The following ZAN variants were observed in gnomAD, a reference collection of about 807,000 sequenced individuals.
ZAN encodes zonadhesin (gene/pseudogene).
In ZAN, 260 loss-of-function variants were observed where a neutral mutation model predicts 286.2. The observed-to-expected ratio is 0.91, with a 90% CI of 0.82 to 1.01. The LOEUF (loss-of-function observed/expected upper bound fraction) is 1.01. ZAN is among the 50% of genes least tolerant of loss of function. The pLI is 0.00. For missense variants in ZAN, 3,410 were observed against 3,639.2 expected (o/e 0.94, Z 1.62); for synonymous variants, 1,368 against 1,417.5 (o/e 0.97, Z 0.79).
At chr7:100,758,161 G>T in intron 15 of ZAN, 41 bp from the exon 16 acceptor site, 1 of 1,530,052 alleles carries the variant, frequency 6.5e-7, no homozygotes, top group Non-Finnish European at 8.8e-7. Context: ...AAGTACTCTA[G>T]GAGCTATATG....
Position 100,737,428 on chromosome 7 carries a change from C to T in ZAN, c.613+79C>T, listed in dbSNP as rs60177280. ...TGCACAACAAGAAGAGGATCCAGGG[C>T]GGGCGCGGTGGCTCATGCCTGTAAT... On this transcript the variant is annotated intron_variant, in intron 6 of 47. Coordinates refer to ENST00000613979, the MANE Select transcript of ZAN (RefSeq NM_003386.3). The T allele has an allele frequency of 3.0e-3, 3,239 of 1,080,904 alleles. 482 individuals are homozygous for T. In the African/African-American group the frequency reaches 0.044, roughly 15 times the overall value. 67.0% of individuals were successfully genotyped at this position (1,080,904 alleles called of 1,614,324 possible).
chr7:100,763,838 C>G lies in ZAN; in HGVS notation c.4019C>G (p.Ser1340Cys). Residue 1340 changes from serine to cysteine, a missense_variant, in exon 21 of 48, where the codon TCT (serine) becomes TGT (cysteine). Physicochemically the swap from Ser to Cys is moderately radical, Grantham distance 112. Transcript: ENST00000613979. This position sits in a 1 kb window ranked among gnomAD's most constrained non-coding sequence, Gnocchi z 4.6. ...AAGTACCAGGTGGTGAATTCCCCGT[C>G]TTGTGATTCATCTCTGCAGAGCAGC... is the stretch of plus-strand genomic sequence containing the variant. Reference protein sequence around the residue: ...CQKYQVVNSPSCDSSLQSSMS... With the variant: ...CQKYQVVNSPCCDSSLQSSMS... 6.2e-7 allele frequency: 1 copy of G among 1,614,042 alleles called. No homozygotes were observed. The highest frequency in any genetic ancestry group is 8.5e-7 in the Non-Finnish European group (1 of 1,179,892).
chr7:100,755,358 A>G lies in ZAN; in HGVS notation c.3257A>G (p.His1086Arg). Reference sequence around the variant, plus strand: ...CCTGGCTTTTTGTTTAGTGACAACCACTGCATCCAGGCCTCTTCCTGCAAT... The same window carrying G: ...CCTGGCTTTTTGTTTAGTGACAACCGCTGCATCCAGGCCTCTTCCTGCAAT... ...CNPGFLFSDN[H>R]CIQASSCNCF... Residue 1086 changes from histidine to arginine, a missense_variant, in exon 15 of 48, where the codon CAC becomes CGC. His to Arg is a conservative substitution (Grantham distance 29). Coordinates refer to ENST00000613979, the MANE Select transcript of ZAN (RefSeq NM_003386.3). The G allele has an allele frequency of 1.9e-6, 3 of 1,613,770 alleles. No homozygotes were observed. Among genetic ancestry groups the G allele is most frequent in the Non-Finnish European group, 2.5e-6 (3 of 1,179,852 alleles).
Position 100,775,467 on chromosome 7 carries a change from T to G in ZAN, c.5919T>G (p.Ser1973Arg), listed in dbSNP as rs1346377480. ...PAMALPFFKI[S>R]AKHEKEEGGT... Reference sequence around the variant, plus strand: ...TGGCCTTGCCCTTCTTCAAGATCAGTGCCAAGCATGAGAAGGAGGAAGGTG... The same window carrying G: ...TGGCCTTGCCCTTCTTCAAGATCAGGGCCAAGCATGAGAAGGAGGAAGGTG... Residue 1973 changes from serine (S) to arginine (R), a missense_variant, in exon 32 of 48, where the codon AGT (serine) becomes AGG (arginine). Ser to Arg is a moderately radical substitution (Grantham distance 110). Coordinates refer to ENST00000613979, the MANE Select transcript of ZAN (RefSeq NM_003386.3). 6.2e-7 allele frequency: 1 copy of G among 1,613,796 alleles called. No individual in the cohort carries two copies. Among genetic ancestry groups the G allele is most frequent in the Non-Finnish European group, 8.5e-7 (1 of 1,179,888 alleles).
chr7:100,753,459 C>G (rs1808926580), intron 14 of ZAN, among the ~76,000 whole-genome samples: 1 of 152,114 alleles, frequency 6.6e-6, no homozygotes, highest in Non-Finnish European at 1.5e-5. Context: ...AGGACTGAAC[C>G]ACGAGGCTTC....
chr7:100,745,966 G>A (rs1808189389), intron 7 of ZAN, among the ~76,000 whole-genome samples: 1 of 151,922 alleles, frequency 6.6e-6, no homozygotes, highest in Admixed American at 6.6e-5. Context: ...GCTCATGTCT[G>A]TAATCCCAGC....
Position 100,764,226 on chromosome 7 carries a change from C to T in ZAN, c.4267+30C>T, listed in dbSNP as rs371467142. 192 of 1,486,776 alleles carry T rather than the reference C, an allele frequency of 1.3e-4. 1 individual carries two copies. The highest frequency in any genetic ancestry group is 1.9e-4 in the Middle Eastern group (1 of 5,192). 92.1% of individuals were successfully genotyped at this position (1,486,776 alleles called of 1,614,324 possible). ...GTTGTGCCAAACTCAGAGGAGAGGC[C>T]GGGCACGGTGGCTCACACCTATAAT... On this transcript the variant is annotated intron_variant, in intron 22 of 47. Coordinates refer to ENST00000613979, the MANE Select transcript of ZAN (RefSeq NM_003386.3).
Position 100,755,247 on chromosome 7 carries a change from G to T in ZAN, c.3146G>T (p.Arg1049Leu). The T allele has an allele frequency of 1.2e-6, 2 of 1,612,796 alleles. No homozygotes were observed. The highest frequency in any genetic ancestry group is 1.1e-5 in the South Asian group (1 of 90,996). ...SSTERCPPNA[R>L]YESCACPASC... ...TTAGAGCGCTGCCCTCCAAATGCCC[G>T]CTACGAATCCTGTGCTTGTCCTGCT... Residue 1049 changes from arginine (R) to leucine (L), a missense_variant, in exon 15 of 48, where the codon CGC (arginine) becomes CTC (leucine). Physicochemically the swap from Arg to Leu is moderately radical, Grantham distance 102. Around this residue, in one of 7 missense-constraint regions of ZAN, gnomAD observed 1,042 missense variants for 1,058.0 expected, o/e 0.98. Coordinates refer to ENST00000613979, the MANE Select transcript of ZAN (RefSeq NM_003386.3).
At chr7:100,791,220 G>A in intron 40 of ZAN, 107 bp downstream of exon 40, 1 of 1,390,512 alleles carries the variant, frequency 7.2e-7, no homozygotes, top group Non-Finnish European at 9.7e-7. Flanking sequence ...CAGGGAGAGG[G>A]TGCAGATAGG....
rs1461077682 is a variant in ZAN at position 100,764,022 on chromosome 7, C to T, written c.4098-5C>T. On this transcript the variant is annotated splice_polypyrimidine_tract_variant and splice_region_variant and intron_variant, in intron 21 of 47. Transcript: ENST00000613979. Reference sequence around the variant, plus strand: ...CATTCCCCCTGACTTGGTCACTCCCCTCAGGACATGCCTGCTGCACGTGAA... The same window carrying T: ...CATTCCCCCTGACTTGGTCACTCCCTTCAGGACATGCCTGCTGCACGTGAA... The T allele has an allele frequency of 1.2e-6, 2 of 1,613,920 alleles. No individual in the cohort carries two copies. Among genetic ancestry groups the T allele is most frequent in the Admixed American group, 1.7e-5 (1 of 60,008 alleles).
chr7:100,780,353 A>C (rs1025717511), intron 35 of ZAN, among the ~76,000 whole-genome samples: 1 of 152,090 alleles, frequency 6.6e-6, no homozygotes, highest in Non-Finnish European at 1.5e-5. Context: ...AGTATTAAAA[A>C]ATTTAAAATA....
chr7:100,766,374 G>T, intron 23 of ZAN, 151 bp from the exon 24 acceptor site: 1 of 1,028,126 alleles, frequency 9.7e-7, no homozygotes, highest in Non-Finnish European at 1.3e-6. Context: ...AGCTTTTGCA[G>T]CGAATCTCGG....
chr7:100,742,595 G>A (rs375554704), intron 7 of ZAN, among the ~76,000 whole-genome samples: 4 of 64,192 alleles, frequency 6.2e-5, no homozygotes, highest in East Asian at 6.7e-4. Flanking sequence ...CTGAGTGAAC[G>A]AGACTCCGTC....
chr7:100,785,223 CTTTTTTTTT>C (rs5886135), intron 36 of ZAN, among the ~76,000 whole-genome samples: 41 of 87,552 alleles, frequency 4.7e-4, no homozygotes, highest in African/African-American at 1.7e-3. Context: ...AACACAGTGC[CTTTTTTTTT>C]TTTTTTTTTT....
intron 7 of ZAN, among the ~76,000 whole-genome samples, chr7:100,745,873 C>CA (rs1808183136): frequency 6.6e-6 from 1 of 151,148 alleles, no homozygotes; most frequent in Non-Finnish European, 1.5e-5. Context: ...TACCTTGTCT[C>CA]AAAAAAGAAA....
Position 100,762,223 on chromosome 7 carries a change from C to G in ZAN, c.3851C>G (p.Ser1284Cys), listed in dbSNP as rs764986763. ...CTCTCCTGTTCCCCTAGCACATACT[C>G]TGGCAAACTCTGTGGTTTGTGTGGG... ...QLYVTVSSTY[S>C]GKLCGLCGNY... Residue 1284 changes from serine (S) to cysteine (C), a missense_variant, in exon 20 of 48, where the codon TCT becomes TGT. By Grantham distance (112) the Ser-to-Cys change is moderately radical (BLOSUM62 -1). Around this residue, in one of 7 missense-constraint regions of ZAN, gnomAD observed 1,042 missense variants for 1,058.0 expected, o/e 0.98. Transcript: ENST00000613979. The G allele has an allele frequency of 6.2e-7, 1 of 1,613,120 alleles. No homozygotes were observed. Among genetic ancestry groups the G allele is most frequent in the Admixed American group, 1.7e-5 (1 of 59,914 alleles).
chr7:100,784,933 C>G, intron 36 of ZAN, 99 bp downstream of exon 36: 3 of 1,356,642 alleles, frequency 2.2e-6, no homozygotes, highest in Non-Finnish European at 2.9e-6. Context: ...CCATGACTTA[C>G]AGCTGGCCCG....
Position 100,768,007 on chromosome 7 carries a change from G to A in ZAN, c.5037G>A (p.Leu1679=), listed in dbSNP as rs746772730. ...CCTATGGCGGCCAGCTCTGTGGGCT[G>A]TGTGGTGAGTTTCCTGGGCACCTGC... ...PSSYGGQLCG[L]CGNYNNNSLD... is the part of the protein sequence containing the mutation. Residue 1679 remains leucine (L), a synonymous_variant, in exon 26 of 48, where the codon CTG becomes CTA. Coordinates refer to ENST00000613979, the MANE Select transcript of ZAN (RefSeq NM_003386.3). 1 of 1,610,632 alleles carries A rather than the reference G, an allele frequency of 6.2e-7. No homozygotes were observed. Among genetic ancestry groups the A allele is most frequent in the Non-Finnish European group, 8.5e-7 (1 of 1,178,184 alleles).
intron 19 of ZAN, 137 bp downstream of exon 19, chr7:100,760,673 T>C: frequency 1.5e-6 from 2 of 1,338,782 alleles, no homozygotes; most frequent in Non-Finnish European, 2.0e-6. Flanking sequence ...CATTCACGGA[T>C]GGGAAGCACC....
Sources: gnomAD v4.1 joint callset for allele counts (sites outside exome capture counted in the v4.1 genomes callset) on GRCh38, gnomAD v4.1.1 for gene constraint, gnomAD v4.1.1 regional missense constraint, Gnocchi (gnomAD v3.1) non-coding constraint, MANE v1.5 for transcripts, NCBI Gene and HGNC (gene_info 2026-07-23, HGNC 2026-07-21) for gene names.